ZNF721: variants seen among roughly 807,000 people sequenced by gnomAD.
The protein encoded by ZNF721 is zinc finger protein 721.
In ZNF721, 2 loss-of-function variants were observed where a neutral mutation model predicts 2.4. The observed-to-expected ratio is 0.82, with a 90% CI of 0.34 to 2.58. The LOEUF (loss-of-function observed/expected upper bound fraction) is 2.58, where lower values mean the gene tolerates loss of function less well. Among genes scored for constraint, ZNF721 ranks in the 30% most tolerant of loss-of-function variants. The probability of loss-of-function intolerance (pLI) is 0.11; values close to 1 mark genes in which losing one functional copy is unlikely to be tolerated. For synonymous variants in ZNF721, 398 were observed against 381.8 expected (o/e 1.04, Z -0.50); for missense variants, 1,187 against 1,085.5 (o/e 1.09, Z -1.31).
In ZNF721 at chr4:461,596, G is replaced by A. The variant is rs141373100; in HGVS notation, c.34+10979C>T. Among the ~76,000 whole-genome samples the A allele has an allele frequency of 1.9e-4, 29 of 152,326 alleles. No individual in the cohort carries two copies. In the East Asian group the frequency reaches 4.2e-3, roughly 22 times the overall value. ...TACTCAAAATAGTATTGGAAAGCCG[G>A]GTGTGGTGGCTCATGCCTGTAATCC... On this transcript the variant is annotated intron_variant, in intron 2 of 2. Transcript: ENST00000511833.
chr4:469,742 C>T (rs1397563466), intron 2 of ZNF721, among the ~76,000 whole-genome samples: 1 of 152,058 alleles, frequency 6.6e-6, no homozygotes, highest in Non-Finnish European at 1.5e-5. Flanking sequence ...AACCAATGAA[C>T]AGAATAGAGA....
chr4:497,217 A>G (rs1329772614), intron 1 of ZNF721, among the ~76,000 whole-genome samples: 1 of 151,856 alleles, frequency 6.6e-6, no homozygotes, highest in Non-Finnish European at 1.5e-5. Flanking sequence ...GGAACTCCCA[A>G]AAAAGGAGTT....
At position 472,559 on chromosome 4, in the gene ZNF721, TTAAAG is replaced by T. The variant is rs1553867861; in HGVS notation, c.34+11_34+15del. The T allele has an allele frequency of 6.3e-7, 1 of 1,595,292 alleles. No homozygotes were observed. The highest frequency in any genetic ancestry group is 1.9e-5 in the Admixed American group (1 of 53,036). ...CAGAGGGAGTATTAGGAATTATGCA[TTAAAG>T]TTATCCTCACCTAGGGAGACCAGGT... On this transcript the variant is annotated intron_variant, in intron 2 of 2. Transcript: ENST00000511833.
chr4:459,842 G>C (rs979762325), intron 2 of ZNF721, among the ~76,000 whole-genome samples: 2 of 151,642 alleles, frequency 1.3e-5, no homozygotes, highest in East Asian at 1.9e-4. Flanking sequence ...AAAAAAAAAG[G>C]TGGGGGAGGG....
intron 1 of ZNF721, among the ~76,000 whole-genome samples, chr4:480,506 CAT>C (rs1275092086): frequency 3.3e-5 from 5 of 152,160 alleles, no homozygotes; most frequent in Admixed American, 6.5e-5. Flanking sequence ...AGAACTTTCA[CAT>C]CTTACAAAGC....
intron 1 of ZNF721, among the ~76,000 whole-genome samples, chr4:485,651 T>TGGAG (rs1223520541): frequency 6.6e-6 from 1 of 152,232 alleles, no homozygotes; most frequent in Admixed American, 6.5e-5. Context: ...TGTAATCACC[T>TGGAG]GGAGAGCCTA....
Position 444,543 on chromosome 4 carries a change from C to T in ZNF721, c.35-111G>A, listed in dbSNP as rs1714408799. ...CTAGTAAGATCACATAACAAAATACCACAAGTCATAACTTCTTCACATATA... is the reference window on the plus strand; with the variant it reads ...CTAGTAAGATCACATAACAAAATACTACAAGTCATAACTTCTTCACATATA... On this transcript the variant is annotated intron_variant, in intron 2 of 2. Coordinates refer to ENST00000511833, the MANE Select transcript of ZNF721 (RefSeq NM_133474.4). The T allele has an allele frequency of 6.3e-6, 7 of 1,107,698 alleles. No homozygotes were observed. The Admixed American group carries it at 1.8e-4, about 29-fold the overall frequency. The allele number at this position is 1,107,698 out of a possible 1,614,324, so 68.6% of individuals were successfully genotyped here. A position where few individuals can be genotyped will look rare whatever the true frequency, so the allele number is the denominator to read the frequency against.
At chr4:453,366 A>G (rs993095207) in intron 2 of ZNF721, 3 of 152,226 alleles carry the variant, frequency 2.0e-5, no homozygotes, top group Admixed American at 2.0e-4. Context: ...GGGGAAAAAA[A>G]TACTGGGAAG....
chr4:460,809 C>T lies in ZNF721; in HGVS notation c.34+11766G>A, dbSNP rs557939307. On this transcript the variant is annotated intron_variant, in intron 2 of 2. Transcript: ENST00000511833. ...AGCAACAAACTACCATCAGAGAATACGATAAACAACTCTACGCAAATAAAC... is the reference window on the plus strand; with the variant it reads ...AGCAACAAACTACCATCAGAGAATATGATAAACAACTCTACGCAAATAAAC... 2.6e-4 allele frequency among the ~76,000 whole-genome samples: 39 copies of T among 152,176 alleles called. No individual in the cohort carries two copies. In the South Asian group the frequency reaches 7.5e-3, roughly 29 times the overall value.
intron 2 of ZNF721, among the ~76,000 whole-genome samples, chr4:471,071 A>G (rs1411595192): frequency 6.6e-6 from 1 of 152,160 alleles, no homozygotes; most frequent in Non-Finnish European, 1.5e-5. Context: ...AAGCAAAACA[A>G]TAATAATGAT....
intron 1 of ZNF721, among the ~76,000 whole-genome samples, chr4:495,498 C>T (rs1326644042): frequency 2.0e-5 from 3 of 147,042 alleles, no homozygotes; most frequent in Non-Finnish European, 4.4e-5. Context: ...TCAGGGGTAG[C>T]TTTGCCACAG....
intron 2 of ZNF721, among the ~76,000 whole-genome samples, chr4:456,056 T>TTATG (rs1714838541): frequency 6.7e-6 from 1 of 149,750 alleles, no homozygotes; most frequent in Non-Finnish European, 1.5e-5. Flanking sequence ...AAATTTTTAT[T>TTATG]TATTTATTTA....
At chr4:447,630 G>T (rs75181638) in intron 2 of ZNF721, among the ~76,000 whole-genome samples, 19 of 152,190 alleles carry the variant, frequency 1.2e-4, no homozygotes, top group African/African-American at 4.6e-4. Context: ...AAATTAACAT[G>T]ATCCAGCTTG....
chr4:481,118 C>T (rs1014808854), intron 1 of ZNF721, among the ~76,000 whole-genome samples: 3 of 152,168 alleles, frequency 2.0e-5, no homozygotes, highest in Admixed American at 6.5e-5. Context: ...GATGGGGTCT[C>T]ACTATGTTGC....
In ZNF721 at chr4:441,850, T is replaced by A. The variant is rs557474265; in HGVS notation, c.2617A>T (p.Thr873Ser). Reference sequence around the variant, plus strand: ...TAAAGATTTGCAGACTGTCTAAAGGTTTTGCCACATTCTCCACATGTGTAG... The same window carrying A: ...TAAAGATTTGCAGACTGTCTAAAGGATTTGCCACATTCTCCACATGTGTAG... The part of the protein sequence containing the change: ...KPYTCGECGK[T>S]FRQSANLYAH... Residue 873 changes from threonine (T) to serine (S), a missense_variant, in exon 3 of 3, where the codon ACC (threonine) becomes TCC (serine). Physicochemically the swap from Thr to Ser is moderately conservative, Grantham distance 58. Coordinates refer to ENST00000511833, the MANE Select transcript of ZNF721 (RefSeq NM_133474.4). 1 of 1,613,378 alleles carries A rather than the reference T, an allele frequency of 6.2e-7. No individual in the cohort carries two copies.
At chr4:498,726 C>CTTT (rs1180549953) in intron 1 of ZNF721, among the ~76,000 whole-genome samples, 18,257 of 132,308 alleles carry the variant, frequency 0.14, 1,640 homozygotes, top group Middle Eastern at 0.22. Flanking sequence ...GTTGAATTTT[C>CTTT]TTTTTTTTTT....
In ZNF721 at chr4:443,080, G is replaced by A. The variant is rs374278146; in HGVS notation, c.1387C>T (p.His463Tyr). 2.5e-6 allele frequency: 4 copies of A among 1,613,834 alleles called. No individual in the cohort carries two copies. The highest frequency in any genetic ancestry group is 1.1e-5 in the South Asian group (1 of 91,066). ...AFIHSLHLNK[H>Y]EKIHTGKKPY... is the part of the protein sequence containing the mutation. The stretch of plus-strand genomic sequence containing the variant: ...TTCTTTCCAGTATGAATTTTCTCAT[G>A]TTTATTCAGGTGCAAGGAATGTATA... The change falls in exon 3 of 3, where the codon CAT (histidine) becomes TAT (tyrosine). Residue 463 changes from histidine to tyrosine, a missense_variant. Physicochemically the swap from His to Tyr is moderately conservative, Grantham distance 83. Transcript: ENST00000511833.
rs782199932 is a variant in ZNF721 at position 443,421 on chromosome 4, T to TA, written c.1045dup (p.Tyr349LeufsTer4). The TA allele has an allele frequency of 1.9e-6, 3 of 1,612,100 alleles. No individual in the cohort carries two copies. The highest frequency in any genetic ancestry group is 2.5e-6 in the Non-Finnish European group (3 of 1,178,390). ...TCCAGTATGAATTCTCCTATGTACG[T>TA]AAAGGTTTGCGGACTGTCTAAAGGT... On this transcript the variant is annotated frameshift_variant, in exon 3 of 3. Coordinates refer to ENST00000511833, the MANE Select transcript of ZNF721 (RefSeq NM_133474.4). LOFTEE classifies it low-confidence loss of function (END_TRUNC).
rs181483674 is a variant in ZNF721 at position 454,733 on chromosome 4, T to C, written c.35-10301A>G. ...AGTTAAATATTAAATTTGAACTCAATTGAACATGGACACAAACAACGGTCA... is the reference window on the plus strand; with the variant it reads ...AGTTAAATATTAAATTTGAACTCAACTGAACATGGACACAAACAACGGTCA... On this transcript the variant is annotated intron_variant, in intron 2 of 2. Transcript: ENST00000511833. Among the ~76,000 whole-genome samples, 5 of 152,324 alleles carry C rather than the reference T, an allele frequency of 3.3e-5. No individual in the cohort carries two copies. In the East Asian group the frequency reaches 5.8e-4, roughly 18 times the overall value.
Sources: gnomAD v4.1 joint callset for allele counts (sites outside exome capture counted in the v4.1 genomes callset) on GRCh38, gnomAD v4.1.1 for gene constraint, MANE v1.5 for transcripts, NCBI Gene and HGNC (gene_info 2026-07-23, HGNC 2026-07-21) for gene names.